TMEM94: variants seen among roughly 807,000 people sequenced by gnomAD.
TMEM94 encodes transmembrane protein 94, also known as ER Mg2+ ATPase.
TMEM94 carries 81 observed loss-of-function variants against 158.6 expected under a neutral mutation model. The observed-to-expected ratio is 0.51, with a 90% CI of 0.43 to 0.61. The LOEUF is 0.61. TMEM94 is among the 20% of genes least tolerant of loss of function. TMEM94 has a pLI of 0.00. For missense variants in TMEM94, 1,435 were observed against 1,762.0 expected (o/e 0.81, Z 3.32); for synonymous variants, 751 against 730.7 (o/e 1.03, Z -0.45).
Position 75,489,853 on chromosome 17 carries a change from G to GGCAGA in TMEM94, c.954+192_954+196dup, listed in dbSNP as rs1252860906. On this transcript the variant is annotated intron_variant, in intron 9 of 31. Coordinates refer to ENST00000314256, the MANE Select transcript of TMEM94 (RefSeq NM_014738.6). The surrounding 1 kb of genome is among the most constrained non-coding windows in gnomAD (Gnocchi z 5.0). Reference sequence around the variant, plus strand: ...CCAAGCACTTTGGGAGGCCACGGCAGGCAGATCATGAGGTCAAGAGATCGA... The same window carrying GGCAGA: ...CCAAGCACTTTGGGAGGCCACGGCAGGCAGAGCAGATCATGAGGTCAAGAGATCGA... 4 of 614,998 alleles carry GGCAGA rather than the reference G, an allele frequency of 6.5e-6. No homozygotes were observed. The highest frequency in any genetic ancestry group is 1.2e-5 in the Non-Finnish European group (4 of 344,670). The allele number at this position is 614,998 out of a possible 1,614,324, so 38.1% of individuals were successfully genotyped here.
chr17:75,482,290 G>C (rs2051222008), intron 2 of TMEM94, among the ~76,000 whole-genome samples: 1 of 151,512 alleles, frequency 6.6e-6, no homozygotes, highest in Admixed American at 6.6e-5. Flanking sequence ...AAGTTGCAGT[G>C]AGCTGAGATT....
rs1272626137 is a variant in TMEM94, at chr17:75,489,755, G to A, written c.954+93G>A. On this transcript the variant is annotated intron_variant, in intron 9 of 31. Coordinates refer to ENST00000314256, the MANE Select transcript of TMEM94 (RefSeq NM_014738.6). This position sits in a 1 kb window ranked among gnomAD's most constrained non-coding sequence, Gnocchi z 5.0. ...CCCTGGCTGTCCCTCCCTCTCTGCA[G>A]CCCAGAGGTCCCCTCACGCTTCAGC... is the stretch of plus-strand genomic sequence containing the variant. 5 of 1,084,026 alleles carry A rather than the reference G, an allele frequency of 4.6e-6. No individual in the cohort carries two copies. The highest frequency in any genetic ancestry group is 5.6e-6 in the Non-Finnish European group (4 of 713,958). The allele number at this position is 1,084,026 out of a possible 1,614,324, so 67.2% of individuals were successfully genotyped here. A position where few individuals can be genotyped will look rare whatever the true frequency, so the allele number is the denominator to read the frequency against.
chr17:75,469,084 C>T (rs892503061), intron 1 of TMEM94, among the ~76,000 whole-genome samples: 1 of 152,196 alleles, frequency 6.6e-6, no homozygotes, highest in African/African-American at 2.4e-5. Context: ...CCGCTTTTGT[C>T]GGACCTGTTG....
intron 24 of TMEM94, 106 bp from the exon 25 acceptor site, chr17:75,496,624 C>A: frequency 7.1e-7 from 1 of 1,406,074 alleles, no homozygotes; most frequent in Non-Finnish European, 1.0e-6. Context: ...CTGCTCCCCT[C>A]GTAGAAGCAT....
chr17:75,486,296 G>T lies in TMEM94; in HGVS notation c.279G>T (p.Gly93=). 6.2e-7 allele frequency: 1 copy of T among 1,614,112 alleles called. No homozygotes were observed. The highest frequency in any genetic ancestry group is 8.5e-7 in the Non-Finnish European group (1 of 1,179,974). Residue 93 remains glycine (G), a synonymous_variant, in exon 5 of 32, where the codon GGG becomes GGT. Transcript: ENST00000314256. Reference sequence around the variant, plus strand: ...CTCTCTTTCCTCCCACCAGCCGTGGGGTGGGGCTGGTGAATGCCTCGGCCT... The same window carrying T: ...CTCTCTTTCCTCCCACCAGCCGTGGTGTGGGGCTGGTGAATGCCTCGGCCT... ...CCGGQPAGSR[G]VGLVNASALF...
Position 75,498,559 on chromosome 17 carries a change from G to C in TMEM94, c.3733+21G>C. 6.2e-7 allele frequency: 1 copy of C among 1,612,548 alleles called. No individual in the cohort carries two copies. Among genetic ancestry groups the C allele is most frequent in the South Asian group, 1.1e-5 (1 of 90,808 alleles). On this transcript the variant is annotated intron_variant, in intron 29 of 31. Coordinates refer to ENST00000314256, the MANE Select transcript of TMEM94 (RefSeq NM_014738.6). The surrounding 1 kb of genome is among the most constrained non-coding windows in gnomAD (Gnocchi z 6.7). ...CACTGGTGAGAGGGCTCCCTGGGAG[G>C]GCGTGGATGATGGTGGGAGAGGAGC...
intron 2 of TMEM94, among the ~76,000 whole-genome samples, chr17:75,484,864 TC>T (rs2051457394): frequency 6.6e-6 from 1 of 151,942 alleles, no homozygotes; most frequent in Admixed American, 6.6e-5. Context: ...TGATGAAACC[TC>T]GTCTCCACTA....
Position 75,485,445 on chromosome 17 carries a change from C to T in TMEM94, c.42C>T (p.Ala14=), listed in dbSNP as rs915765798. ...GCCTGCAGGGCGAGCCTCCCTCAGC[C>T]CTGGGCCTGTCCACGCGGAAGGCCC... ...KEKHLGEPPS[A]LGLSTRKALS... The change falls in exon 3 of 32, where the codon GCC becomes GCT. Residue 14 remains alanine (A), a synonymous_variant. Coordinates refer to ENST00000314256, the MANE Select transcript of TMEM94 (RefSeq NM_014738.6). This position sits in a 1 kb window ranked among gnomAD's most constrained non-coding sequence, Gnocchi z 5.5. The T allele has an allele frequency of 1.2e-6, 2 of 1,613,990 alleles. No homozygotes were observed. Among genetic ancestry groups the T allele is most frequent in the Non-Finnish European group, 1.7e-6 (2 of 1,179,996 alleles).
rs923315786 is a variant in TMEM94 at position 75,459,829 on chromosome 17, A to G, written c.-107+3078A>G. ...CTATTGTGTTAGTGTTGTTTTTACG[A>G]TGGTGTCTTTCTTTACCCAAATGAT... On this transcript the variant is annotated intron_variant, in intron 1 of 31. Coordinates refer to ENST00000314256, the MANE Select transcript of TMEM94 (RefSeq NM_014738.6). 2 of 152,106 alleles carry G rather than the reference A, an allele frequency of 1.3e-5. 1 individual carries two copies. Among genetic ancestry groups the G allele is most frequent in the Non-Finnish European group, 2.9e-5 (2 of 68,040 alleles). 9.4% of individuals were successfully genotyped at this position (152,106 alleles called of 1,614,324 possible).
chr17:75,490,671 T>G (rs765817703), intron 10 of TMEM94, 31 bp from the exon 11 acceptor site: 4 of 1,609,004 alleles, frequency 2.5e-6, no homozygotes, highest in Non-Finnish European at 3.4e-6. Context: ...GGCGTTTTCC[T>G]CACTGAGGAC....
At chr17:75,488,234 C>T in intron 6 of TMEM94, 100 bp downstream of exon 6, 1 of 1,167,846 alleles carries the variant, frequency 8.6e-7, no homozygotes, top group South Asian at 1.3e-5. Context: ...TCCCGGCCAG[C>T]TTACTGGCTT....
chr17:75,457,903 G>GC (rs1274324735), intron 1 of TMEM94, among the ~76,000 whole-genome samples: 1 of 152,096 alleles, frequency 6.6e-6, no homozygotes. Context: ...ACTCCCCTGA[G>GC]CTCTTGCAGG....
Position 75,498,257 on chromosome 17 carries a change from T to C in TMEM94, c.3572T>C (p.Leu1191Pro). 2 of 1,613,778 alleles carry C rather than the reference T, an allele frequency of 1.2e-6. No homozygotes were observed. Among genetic ancestry groups the C allele is most frequent in the Non-Finnish European group, 1.7e-6 (2 of 1,179,986 alleles). Residue 1191 changes from leucine (L) to proline (P), a missense_variant, in exon 28 of 32, where the codon CTG becomes CCG. Physicochemically the swap from Leu to Pro is moderately conservative, Grantham distance 98 (BLOSUM62 -3). Transcript: ENST00000314256. The surrounding 1 kb of genome is among the most constrained non-coding windows in gnomAD (Gnocchi z 6.7). Reference protein sequence around the residue: ...SSCLICFGFTLQSFCDSSRDR... With the variant: ...SSCLICFGFTPQSFCDSSRDR... ...TGCCTCATCTGCTTTGGCTTCACAC[T>C]GCAGAGCTTCTGTGACAGCTCCCGG...
Position 75,500,427 on chromosome 17 carries a change from A to T in TMEM94, c.*1093A>T, listed in dbSNP as rs888624484. 6.5e-6 allele frequency: 1 copy of T among 152,690 alleles called. No individual in the cohort carries two copies. Among genetic ancestry groups the T allele is most frequent in the Non-Finnish European group, 1.5e-5 (1 of 68,396 alleles). 9.5% of individuals were successfully genotyped at this position (152,690 alleles called of 1,614,324 possible). ...CCCATTGTGTCCTCTCAGGCAGTTG[A>T]TAGAATAAATTCCATTTAAAATATA... is the stretch of plus-strand genomic sequence containing the variant. On this transcript the variant is annotated 3_prime_UTR_variant, in exon 32 of 32. Coordinates refer to ENST00000314256, the MANE Select transcript of TMEM94 (RefSeq NM_014738.6).
At chr17:75,490,576 C>G in intron 10 of TMEM94, 126 bp from the exon 11 acceptor site, 1 of 932,282 alleles carries the variant, frequency 1.1e-6, no homozygotes, top group Non-Finnish European at 1.6e-6. Flanking sequence ...GGAGTCAGAA[C>G]GGCCTGGGCC....
Position 75,498,132 on chromosome 17 carries a change from G to A in TMEM94, c.3490-43G>A, listed in dbSNP as rs775147406. 6 of 1,607,394 alleles carry A rather than the reference G, an allele frequency of 3.7e-6. No homozygotes were observed. Among genetic ancestry groups the A allele is most frequent in the Non-Finnish European group, 4.3e-6 (5 of 1,175,440 alleles). On this transcript the variant is annotated intron_variant, in intron 27 of 31. Coordinates refer to ENST00000314256, the MANE Select transcript of TMEM94 (RefSeq NM_014738.6). This position sits in a 1 kb window ranked among gnomAD's most constrained non-coding sequence, Gnocchi z 6.7. ...GTGGAAGAGCTAGGAGCAGCCGGCA[G>A]AGGGGCTGTGCGCCCCAGGAGTGAC... is the stretch of plus-strand genomic sequence containing the variant.
intron 2 of TMEM94, among the ~76,000 whole-genome samples, chr17:75,484,648 C>T (rs2051439947): frequency 6.6e-6 from 1 of 151,924 alleles, no homozygotes; most frequent in South Asian, 2.1e-4. Context: ...CCACCTGCCT[C>T]CACCTCCCAA....
chr17:75,490,841 C>T lies in TMEM94; in HGVS notation c.1128+83C>T, dbSNP rs530413289. The T allele has an allele frequency of 1.0e-5, 14 of 1,334,922 alleles. No individual in the cohort carries two copies. In the African/African-American group the frequency reaches 1.6e-4, roughly 15 times the overall value. 82.7% of individuals were successfully genotyped at this position (1,334,922 alleles called of 1,614,324 possible). ...ACTCCCCTATTTATGGCCTTAAAGC[C>T]TCCAACCAGGCTCTTAGAGCCCCAT... On this transcript the variant is annotated intron_variant, in intron 11 of 31. Transcript: ENST00000314256.
chr17:75,493,263 TGGGATGGTGTTGGCTGCAGAGGCC>T (rs1302267649), intron 16 of TMEM94, 161 bp downstream of exon 16: 1 of 916,204 alleles, frequency 1.1e-6, no homozygotes. Context: ...GGACCAGGGC[TGGGATGGTGTTGGCTGCAGAGGCC>T]GGGATTGTCC....
Sources: allele counts gnomAD v4.1 joint callset (sites outside exome capture counted in the v4.1 genomes callset), GRCh38; gene constraint gnomAD v4.1.1; non-coding constraint Gnocchi (gnomAD v3.1); transcripts MANE v1.5; gene names NCBI Gene and HGNC (gene_info 2026-07-23, HGNC 2026-07-21).